The following LTBR variants were observed in gnomAD, a reference collection of about 807,000 sequenced individuals.
LTBR encodes tumor necrosis factor receptor superfamily member 3.
A neutral mutation model predicts 45.4 loss-of-function variants in LTBR; 15 were observed. The ratio of observed to expected loss-of-function variants is 0.33; its 90% CI spans 0.22 to 0.51. The LOEUF (loss-of-function observed/expected upper bound fraction) is 0.51. Among genes scored for constraint, LTBR ranks in the 20% least tolerant of loss-of-function variants. LTBR has a pLI of 0.97. For synonymous variants in LTBR, 228 were observed against 231.0 expected (o/e 0.99, Z 0.12); for missense variants, 450 against 565.5 (o/e 0.80, Z 2.07).
chr12:6,390,135 T>C lies in LTBR; in HGVS notation c.825T>C (p.Ala275=). The C allele has an allele frequency of 1.2e-6, 2 of 1,613,980 alleles. No individual in the cohort carries two copies. Among genetic ancestry groups the C allele is most frequent in the Non-Finnish European group, 1.7e-6 (2 of 1,179,916 alleles). The part of the protein sequence containing the change: ...RPQGEGPNPV[A]GSWEPPKAHP... ...AGGGAGAGGGACCCAATCCTGTAGCTGGAAGCTGGGAGCCTCCGAAGGCCC... is the reference window on the plus strand; with the variant it reads ...AGGGAGAGGGACCCAATCCTGTAGCCGGAAGCTGGGAGCCTCCGAAGGCCC... The change falls in exon 9 of 10, where the codon GCT becomes GCC. Residue 275 remains alanine (A), a synonymous_variant. Transcript: ENST00000228918.
At chr12:6,387,259 C>T (rs1949059991) in intron 6 of LTBR, 1 of 152,206 alleles carries the variant, frequency 6.6e-6, no homozygotes, top group South Asian at 2.1e-4. Context: ...GGTATATATC[C>T]TCCCGGACAT....
intron 1 of LTBR, among the ~76,000 whole-genome samples, chr12:6,377,990 A>C (rs1948936896): frequency 6.6e-6 from 1 of 152,220 alleles, no homozygotes; most frequent in Non-Finnish European, 1.5e-5. Flanking sequence ...TAGAAATCTG[A>C]GACCTGGACT....
At position 6,388,641 on chromosome 12, in the gene LTBR, C is replaced by T. The variant is rs1251611102; in HGVS notation, c.775+136C>T. ...CAACATAGACATCCTTATCTTCATC[C>T]AGCTGCTTATTCTGAGGCTGGAGAT... On this transcript the variant is annotated intron_variant, in intron 7 of 9. Coordinates refer to ENST00000228918, the MANE Select transcript of LTBR (RefSeq NM_002342.3). The surrounding 1 kb of genome is among the most constrained non-coding windows in gnomAD (Gnocchi z 4.3). 9.0e-7 allele frequency: 1 copy of T among 1,115,342 alleles called. No homozygotes were observed. Among genetic ancestry groups the T allele is most frequent in the East Asian group, 2.4e-5 (1 of 41,672 alleles). The allele number at this position is 1,115,342 out of a possible 1,614,324, so 69.1% of individuals were successfully genotyped here. A position where few individuals can be genotyped will look rare whatever the true frequency, so the allele number is the denominator to read the frequency against.
chr12:6,385,938 C>T (rs1949040415), intron 4 of LTBR, 128 bp from the exon 5 acceptor site: 3 of 637,186 alleles, frequency 4.7e-6, no homozygotes, highest in Non-Finnish European at 8.5e-6. Flanking sequence ...CAAAGCAGAG[C>T]TTGGGAAAGG....
chr12:6,386,459 C>T lies in LTBR; in HGVS notation c.667+15C>T, dbSNP rs757453886. On this transcript the variant is annotated intron_variant, in intron 6 of 9. Coordinates refer to ENST00000228918, the MANE Select transcript of LTBR (RefSeq NM_002342.3). The surrounding 1 kb of genome is among the most constrained non-coding windows in gnomAD (Gnocchi z 4.1). The stretch of plus-strand genomic sequence containing the variant: ...AGAGATGTCAGGTGAGGGACCAGGG[C>T]TGAGGGACACGGGGGGGGCGCCTCT... 2 of 1,498,866 alleles carry T rather than the reference C, an allele frequency of 1.3e-6. No individual in the cohort carries two copies. Among genetic ancestry groups the T allele is most frequent in the Admixed American group, 1.9e-5 (1 of 51,672 alleles). 92.8% of individuals were successfully genotyped at this position (1,498,866 alleles called of 1,614,324 possible). A position where few individuals can be genotyped will look rare whatever the true frequency, so the allele number is the denominator to read the frequency against.
upstream of LTBR, among the ~76,000 whole-genome samples, chr12:6,382,581 C>G (rs1948995441): frequency 6.6e-6 from 1 of 152,230 alleles, no homozygotes; most frequent in Non-Finnish European, 1.5e-5. Flanking sequence ...TCTGATACTT[C>G]TGCCCTTTCC....
chr12:6,375,610 G>C, intron 1 of LTBR: 1 of 1,053,190 alleles, frequency 9.5e-7, no homozygotes, highest in Non-Finnish European at 1.4e-6. Context: ...CAGGGCGGGG[G>C]GAGGGGCTGA....
upstream of LTBR, among the ~76,000 whole-genome samples, chr12:6,382,112 C>T (rs941997337): frequency 4.6e-5 from 7 of 152,060 alleles, no homozygotes; most frequent in Admixed American, 2.0e-4. Flanking sequence ...TTATATGTTA[C>T]ACCTCTATTA....
chr12:6,387,559 C>T (rs1033060415), intron 6 of LTBR: 1 of 167,242 alleles, frequency 6.0e-6, no homozygotes, highest in East Asian at 1.9e-4. Flanking sequence ...TCCAGTTTCT[C>T]CCCAGGCCTC....
upstream of LTBR, chr12:6,384,150 C>T: frequency 1.6e-6 from 2 of 1,273,280 alleles, no homozygotes; most frequent in East Asian, 3.1e-5. Flanking sequence ...CGCCCCGCGG[C>T]CAGCTCGCTC....
chr12:6,386,241 C>T lies in LTBR; in HGVS notation c.569+79C>T. The T allele has an allele frequency of 1.3e-6, 2 of 1,487,768 alleles. No homozygotes were observed. The highest frequency in any genetic ancestry group is 9.4e-7 in the Non-Finnish European group (1 of 1,067,886). 92.2% of individuals were successfully genotyped at this position (1,487,768 alleles called of 1,614,324 possible). A position where few individuals can be genotyped will look rare whatever the true frequency, so the allele number is the denominator to read the frequency against. On this transcript the variant is annotated intron_variant, in intron 5 of 9. Transcript: ENST00000228918. This position sits in a 1 kb window ranked among gnomAD's most constrained non-coding sequence, Gnocchi z 4.1. ...AACAACCCCCAGCGCCTATCCTTGA[C>T]ACCACGGACTCGACTCACCACTTTC...
At position 6,391,252 on chromosome 12, in the gene LTBR, C is replaced by T. The variant is rs540352707; in HGVS notation, c.*315C>T. 1.6e-5 allele frequency: 4 copies of T among 256,376 alleles called. No individual in the cohort carries two copies. The highest frequency in any genetic ancestry group is 1.1e-4 in the Admixed American group (2 of 18,100). The allele number at this position is 256,376 out of a possible 1,614,324, so 15.9% of individuals were successfully genotyped here. ...CACTACGGCACGCCGCACCGGAGCACGGCACCGAGGGAGCCGCCACACGGT... is the reference window on the plus strand; with the variant it reads ...CACTACGGCACGCCGCACCGGAGCATGGCACCGAGGGAGCCGCCACACGGT... On this transcript the variant is annotated 3_prime_UTR_variant, in exon 10 of 10. Coordinates refer to ENST00000228918, the MANE Select transcript of LTBR (RefSeq NM_002342.3).
Position 6,386,159 on chromosome 12 carries a change from C to G in LTBR, c.566C>G (p.Thr189Ser), listed in dbSNP as rs1325003601. ...SSPSARCQPH[T>S]RCENQGLVEA... ...CCCAGCGCCCGCTGCCAGCCCCACA[C>G]CAGGTGAGTGCAGCCCCACCCAAGC... is the stretch of plus-strand genomic sequence containing the variant. Residue 189 changes from threonine (T) to serine (S), a missense_variant, in exon 5 of 10, where the codon ACC becomes AGC. Physicochemically the swap from Thr to Ser is moderately conservative, Grantham distance 58 (BLOSUM62 1). This residue lies in a region of LTBR where 367 missense variants were observed against 435.4 expected (regional missense o/e 0.84). Transcript: ENST00000228918. This position sits in a 1 kb window ranked among gnomAD's most constrained non-coding sequence, Gnocchi z 4.1. 1 of 1,611,996 alleles carries G rather than the reference C, an allele frequency of 6.2e-7. No individual in the cohort carries two copies. Among genetic ancestry groups the G allele is most frequent in the Admixed American group, 1.7e-5 (1 of 59,988 alleles).
At position 6,388,779 on chromosome 12, in the gene LTBR, C is replaced by T. The variant is rs1037942084; in HGVS notation, c.776-21C>T. The T allele has an allele frequency of 6.2e-7, 1 of 1,614,016 alleles. No homozygotes were observed. The highest frequency in any genetic ancestry group is 8.5e-7 in the Non-Finnish European group (1 of 1,179,968). The stretch of plus-strand genomic sequence containing the variant: ...CTGAGGCCTGCCGGGGAGCCTACAC[C>T]CATTTCATTCTCCATTGCAGGATCG... On this transcript the variant is annotated intron_variant, in intron 7 of 9. Transcript: ENST00000228918. This position sits in a 1 kb window ranked among gnomAD's most constrained non-coding sequence, Gnocchi z 4.3.
chr12:6,383,718 G>A (rs41534845), upstream of LTBR, among the ~76,000 whole-genome samples: 4,309 of 152,284 alleles, frequency 0.028, 221 homozygotes, highest in African/African-American at 0.099. Flanking sequence ...CAGTAGGGCA[G>A]GACAACGGGG....
At chr12:6,387,938 TC>T (rs763561760) in intron 6 of LTBR, 1 of 432,028 alleles carries the variant, frequency 2.3e-6, no homozygotes, top group South Asian at 1.6e-5. Context: ...CAACCCTAGC[TC>T]CTCTACAGCA....
upstream of LTBR, among the ~76,000 whole-genome samples, chr12:6,380,059 G>A (rs945997228): frequency 2.0e-5 from 3 of 152,054 alleles, no homozygotes; most frequent in Non-Finnish European, 2.9e-5. Context: ...CATTCTTTGT[G>A]GTGGGACAGG....
rs1158079348 is a variant in LTBR at position 6,390,824 on chromosome 12, C to A, written c.1195C>A (p.Leu399Ile). Residue 399 changes from leucine (L) to isoleucine (I), a missense_variant, in exon 10 of 10, where the codon CTC (leucine) becomes ATC (isoleucine). By Grantham distance (5) the Leu-to-Ile change is conservative. Around this residue, in one of 3 missense-constraint regions of LTBR, gnomAD observed 71 missense variants for 90.4 expected, o/e 0.79. Transcript: ENST00000228918. ...AGAGGGGGACCCTGGCCCTCCCGGG[C>A]TCTCTACACCCCACCAGGAAGATGG... ...PEEGDPGPPG[L>I]STPHQEDGKA... is the part of the protein sequence containing the mutation. 5 of 1,611,484 alleles carry A rather than the reference C, an allele frequency of 3.1e-6. No individual in the cohort carries two copies. Among genetic ancestry groups the A allele is most frequent in the African/African-American group, 1.3e-5 (1 of 75,048 alleles).
In LTBR at chr12:6,386,451, G is replaced by A; in HGVS notation, c.667+7G>A. ...CTGCCCCCAGAGATGTCAGGTGAGG[G>A]ACCAGGGCTGAGGGACACGGGGGGG... is the stretch of plus-strand genomic sequence containing the variant. On this transcript the variant is annotated splice_region_variant and intron_variant, in intron 6 of 9. Transcript: ENST00000228918. This position sits in a 1 kb window ranked among gnomAD's most constrained non-coding sequence, Gnocchi z 4.1. 2 of 1,558,616 alleles carry A rather than the reference G, an allele frequency of 1.3e-6. No individual in the cohort carries two copies. Among genetic ancestry groups the A allele is most frequent in the East Asian group, 2.3e-5 (1 of 43,826 alleles).
Sources: allele counts gnomAD v4.1 joint callset (sites outside exome capture counted in the v4.1 genomes callset), GRCh38; gene constraint gnomAD v4.1.1; regional missense constraint gnomAD v4.1.1; non-coding constraint Gnocchi (gnomAD v3.1); transcripts MANE v1.5; gene names NCBI Gene and HGNC (gene_info 2026-07-23, HGNC 2026-07-21).